The following TTC27 variants were observed in gnomAD, a reference collection of about 807,000 sequenced individuals.
The protein encoded by TTC27 is tetratricopeptide repeat domain 27.
Under a neutral mutation model 115.9 loss-of-function variants are expected in TTC27, and 79 were observed. The ratio of observed to expected loss-of-function variants is 0.68; its 90% CI spans 0.57 to 0.82. TTC27 has a LOEUF of 0.82. Among genes scored for constraint, TTC27 ranks in the 40% least tolerant of loss-of-function variants. The pLI is 0.00. For synonymous variants in TTC27, 401 were observed against 356.0 expected, an observed-to-expected ratio of 1.13 and a Z score of -1.42; for missense variants, 1,054 against 993.1, an observed-to-expected ratio of 1.06 and a Z score of -0.82.
At chr2:32,809,373 A>T (rs141780583) in intron 16 of TTC27, among the ~76,000 whole-genome samples, 114 of 152,344 alleles carry the variant, frequency 7.5e-4, no homozygotes, top group Middle Eastern at 3.4e-3. Context: ...ATAAAATGCC[A>T]TCCTCTCCCT....
chr2:32,663,745 T>G (rs1265119974), intron 5 of TTC27, among the ~76,000 whole-genome samples: 1 of 152,076 alleles, frequency 6.6e-6, no homozygotes, highest in African/African-American at 2.4e-5. Context: ...AGTGCAGTGG[T>G]GCGATCTCAG....
At chr2:32,747,631 C>T (rs1668875045) in intron 12 of TTC27, among the ~76,000 whole-genome samples, 1 of 152,054 alleles carries the variant, frequency 6.6e-6, no homozygotes, top group African/African-American at 2.4e-5. Context: ...TTTATTTTGT[C>T]TTCTTTGCAA....
Position 32,820,937 on chromosome 2 carries a change from G to T in TTC27, c.2531G>T (p.Ter844LeuextTer30). The change falls in exon 20 of 20, where the codon TGA becomes TTA. Residue 844 changes from the stop codon to leucine, a stop_lost. Coordinates refer to ENST00000317907, the MANE Select transcript of TTC27 (RefSeq NM_017735.5). Reference protein sequence around the residue: ...DLSNQFRNQY* With the variant: ...DLSNQFRNQYL The stretch of plus-strand genomic sequence containing the variant: ...AGCAACCAGTTTCGAAATCAGTATT[G>T]ATTCTGCTGGAAGCAGATTCTGGAA... The T allele has an allele frequency of 1.3e-6, 2 of 1,496,102 alleles. No homozygotes were observed. The highest frequency in any genetic ancestry group is 2.5e-5 in the East Asian group (1 of 39,892). The allele number at this position is 1,496,102 out of a possible 1,614,324, so 92.7% of individuals were successfully genotyped here.
At chr2:32,662,481 C>T (rs1328651011) in intron 5 of TTC27, among the ~76,000 whole-genome samples, 3 of 152,126 alleles carry the variant, frequency 2.0e-5, no homozygotes, top group African/African-American at 4.8e-5. Flanking sequence ...TTGACTTCTT[C>T]CTGGTTTAGT....
At chr2:32,721,608 T>TTCTC (rs1164934164) in intron 10 of TTC27, among the ~76,000 whole-genome samples, 165 of 151,432 alleles carry the variant, frequency 1.1e-3, no homozygotes, top group African/African-American at 3.7e-3. Context: ...TCACTTTTCT[T>TTCTC]TCTCTCTCTC....
Position 32,723,971 on chromosome 2 carries a change from C to CTTTTTTTTTTTTT in TTC27, c.1234-9852_1234-9840dup, listed in dbSNP as rs36120062. Reference sequence around the variant, plus strand: ...TGAGCCACCAGCTGGCATACATAAGCTTTTTTTTTTTTTTTTTATAGAAAG... The same window carrying CTTTTTTTTTTTTT: ...TGAGCCACCAGCTGGCATACATAAGCTTTTTTTTTTTTTTTTTTTTTTTTTTTTTTATAGAAAG... On this transcript the variant is annotated intron_variant, in intron 10 of 19. Transcript: ENST00000317907. Among the ~76,000 whole-genome samples the CTTTTTTTTTTTTT allele has an allele frequency of 3.2e-4, 30 of 92,418 alleles. 2 individuals carry two copies. The highest frequency in any genetic ancestry group is 6.7e-4 in the African/African-American group (16 of 24,034). 60.6% of individuals were successfully genotyped at this position (92,418 alleles called of 152,430 possible).
intron 12 of TTC27, among the ~76,000 whole-genome samples, chr2:32,743,964 C>A (rs1668732741): frequency 6.6e-6 from 1 of 152,160 alleles, no homozygotes; most frequent in Non-Finnish European, 1.5e-5. Context: ...CCCTTTGTGA[C>A]TTTAGTATTA....
chr2:32,630,219 A>C (rs980050989), intron 1 of TTC27, among the ~76,000 whole-genome samples: 2 of 152,206 alleles, frequency 1.3e-5, no homozygotes, highest in Admixed American at 6.5e-5. Context: ...TTGTATTGTC[A>C]GTAGGAATCT....
intron 10 of TTC27, among the ~76,000 whole-genome samples, chr2:32,729,287 T>C (rs1668213266): frequency 6.6e-6 from 1 of 152,252 alleles, no homozygotes; most frequent in South Asian, 2.1e-4. Context: ...TGTCCTTTTT[T>C]ACTAAATCAT....
At chr2:32,629,155 C>T (rs554066881) in intron 1 of TTC27, among the ~76,000 whole-genome samples, 1 of 152,040 alleles carries the variant, frequency 6.6e-6, no homozygotes, top group South Asian at 2.1e-4. Flanking sequence ...GAGTCTCCCT[C>T]TTGTTGCTCT....
chr2:32,693,382 C>T (rs149636066), intron 9 of TTC27, among the ~76,000 whole-genome samples: 1 of 152,326 alleles, frequency 6.6e-6, no homozygotes, highest in Admixed American at 6.5e-5. Flanking sequence ...TCTCCGGCTC[C>T]ACCCTAAACC....
chr2:32,700,546 A>AT (rs1237696999), intron 9 of TTC27, among the ~76,000 whole-genome samples: 30 of 150,618 alleles, frequency 2.0e-4, no homozygotes, highest in Non-Finnish European at 3.0e-4. Flanking sequence ...TGAAAAAAAA[A>AT]TTTTTTTTTT....
At chr2:32,631,275 C>T (rs1033894491) in intron 2 of TTC27, among the ~76,000 whole-genome samples, 3 of 152,100 alleles carry the variant, frequency 2.0e-5, no homozygotes, top group African/African-American at 4.8e-5. Flanking sequence ...TGCACTCTAG[C>T]CTGGGCGACA....
chr2:32,663,828 G>A (rs1665653886), intron 5 of TTC27, among the ~76,000 whole-genome samples: 2 of 152,098 alleles, frequency 1.3e-5, no homozygotes, highest in Admixed American at 6.6e-5. Context: ...GGGACTACAG[G>A]CGCATGCCAC....
Position 32,744,722 on chromosome 2 carries a change from A to G in TTC27, c.1452+7906A>G, listed in dbSNP as rs964318871. Among the ~76,000 whole-genome samples the G allele has an allele frequency of 6.6e-5, 10 of 152,282 alleles. No homozygotes were observed. In the East Asian group the frequency reaches 1.2e-3, roughly 18 times the overall value. ...CTTGTTCATGGTCATTCATTTAGTA[A>G]GTAGATTTGACATTTGAAATATCTG... On this transcript the variant is annotated intron_variant, in intron 12 of 19. Coordinates refer to ENST00000317907, the MANE Select transcript of TTC27 (RefSeq NM_017735.5).
chr2:32,691,122 T>A (rs760488855), intron 9 of TTC27, among the ~76,000 whole-genome samples: 22 of 152,158 alleles, frequency 1.4e-4, no homozygotes, highest in Non-Finnish European at 2.6e-4. Context: ...GTGACAAGAA[T>A]GAGAAGGAAA....
chr2:32,754,855 C>A (rs1180569470), intron 12 of TTC27, among the ~76,000 whole-genome samples: 1 of 140,892 alleles, frequency 7.1e-6, no homozygotes, highest in African/African-American at 2.7e-5. Flanking sequence ...CCGGACGGGG[C>A]GGCTGGCCAG....
intron 16 of TTC27, among the ~76,000 whole-genome samples, chr2:32,797,731 C>A (rs1425256428): frequency 6.6e-6 from 1 of 152,044 alleles, no homozygotes; most frequent in Non-Finnish European, 1.5e-5. Flanking sequence ...ACACCAAAAG[C>A]ACAGGCAATA....
chr2:32,719,661 G>C (rs1038270802), intron 10 of TTC27, among the ~76,000 whole-genome samples: 2 of 152,164 alleles, frequency 1.3e-5, no homozygotes, highest in Non-Finnish European at 2.9e-5. Flanking sequence ...CAAGAAAGAA[G>C]CTAACAGACA....
Sources: allele counts gnomAD v4.1 joint callset (sites outside exome capture counted in the v4.1 genomes callset), GRCh38; gene constraint gnomAD v4.1.1; transcripts MANE v1.5; gene names NCBI Gene and HGNC (gene_info 2026-07-23, HGNC 2026-07-21).